The following UBE3B variants were observed in gnomAD, a reference collection of about 807,000 sequenced individuals.
UBE3B encodes the protein ubiquitin protein ligase E3B, also known as ubiquitin-protein ligase E3B.
In UBE3B, 80 loss-of-function variants were observed where a neutral mutation model predicts 132.3. The observed-to-expected ratio is 0.60, with a 90% CI of 0.50 to 0.73. The LOEUF (loss-of-function observed/expected upper bound fraction) is 0.73, where lower values mean the gene tolerates loss of function less well. Ranked by LOEUF, UBE3B falls within the 30% of genes least tolerant of loss-of-function variation. The pLI is 0.00. For synonymous variants in UBE3B, 487 were observed against 520.4 expected, an observed-to-expected ratio of 0.94 and a Z score of 0.87; for missense variants, 1,196 against 1,362.5, an observed-to-expected ratio of 0.88 and a Z score of 1.92.
In UBE3B at chr12:109,510,386, A is replaced by G; in HGVS notation, c.1784A>G (p.His595Arg). Residue 595 changes from histidine to arginine, a missense_variant, in exon 17 of 28, where the codon CAC (histidine) becomes CGC (arginine). His to Arg is a conservative substitution (Grantham distance 29). Coordinates refer to ENST00000342494, the MANE Select transcript of UBE3B (RefSeq NM_130466.4). Reference protein sequence around the residue: ...GETLELFQSVHGWLMVLYERD... With the variant: ...GETLELFQSVRGWLMVLYERD... ...ACCTTGGAGCTGTTCCAGTCTGTCC[A>G]CGGGTGGCTTATGGTGCTGTACGAG... is the stretch of plus-strand genomic sequence containing the variant. 6.2e-7 allele frequency: 1 copy of G among 1,612,662 alleles called. No individual in the cohort carries two copies. The highest frequency in any genetic ancestry group is 1.3e-5 in the African/African-American group (1 of 74,976).
intron 14 of UBE3B, among the ~76,000 whole-genome samples, chr12:109,507,166 C>A (rs958083525): frequency 6.6e-6 from 1 of 152,208 alleles, no homozygotes; most frequent in African/African-American, 2.4e-5. Context: ...AATTGCTGAT[C>A]CCTGATTTAA....
chr12:109,490,864 C>T, intron 8 of UBE3B, 181 bp from the exon 9 acceptor site: 1 of 1,114,196 alleles, frequency 9.0e-7, no homozygotes, highest in Non-Finnish European at 1.2e-6. Flanking sequence ...GTCACCCAGG[C>T]TGGCCTCAAG....
chr12:109,509,392 A>G lies in UBE3B; in HGVS notation c.1623-204A>G, dbSNP rs775389125. ...CTAGGTTTTAAGCTCTACATGCATT[A>G]GGTATTTGTCCTAAGGCTCTCCCTC... is the stretch of plus-strand genomic sequence containing the variant. On this transcript the variant is annotated intron_variant, in intron 15 of 27. Coordinates refer to ENST00000342494, the MANE Select transcript of UBE3B (RefSeq NM_130466.4). 3.1e-4 allele frequency: 131 copies of G among 418,588 alleles called. 1 individual carries two copies. Among genetic ancestry groups the G allele is most frequent in the Non-Finnish European group, 3.4e-4 (79 of 234,814 alleles). 25.9% of individuals were successfully genotyped at this position (418,588 alleles called of 1,614,324 possible).
At chr12:109,498,437 T>G in intron 11 of UBE3B, 84 bp downstream of exon 11, 1 of 1,506,438 alleles carries the variant, frequency 6.6e-7, no homozygotes, top group Middle Eastern at 1.8e-4. Context: ...TCTAGAGATT[T>G]GGTTGTTTTC....
chr12:109,532,828 T>C (rs572774756), intron 26 of UBE3B, among the ~76,000 whole-genome samples: 1 of 152,206 alleles, frequency 6.6e-6, no homozygotes, highest in Admixed American at 6.5e-5. Flanking sequence ...TTTGTCAGTG[T>C]GCTGAGAGGT....
chr12:109,502,951 T>C, intron 13 of UBE3B, 72 bp from the exon 14 acceptor site: 1 of 1,589,302 alleles, frequency 6.3e-7, no homozygotes, highest in Non-Finnish European at 8.6e-7. Context: ...ACTGAAATGC[T>C]CTTCCTTTTC....
intron 16 of UBE3B, 152 bp downstream of exon 16, chr12:109,509,866 C>G (rs576958566): frequency 3.5e-6 from 2 of 572,322 alleles, no homozygotes; most frequent in East Asian, 5.7e-5. Context: ...TCTTTCTTCA[C>G]TCTCTGTGAC....
chr12:109,537,150 A>G (rs933533219), downstream of UBE3B, among the ~76,000 whole-genome samples: 2 of 152,208 alleles, frequency 1.3e-5, no homozygotes, highest in African/African-American at 4.8e-5. Flanking sequence ...ATGCCCAGCC[A>G]GTAGTAACTT....
At chr12:109,493,153 A>G (rs1440691682) in intron 9 of UBE3B, among the ~76,000 whole-genome samples, 1 of 152,236 alleles carries the variant, frequency 6.6e-6, no homozygotes, top group Non-Finnish European at 1.5e-5. Context: ...ATGAGCCCTA[A>G]TGTCTAGGTA....
downstream of UBE3B, among the ~76,000 whole-genome samples, chr12:109,538,923 C>T (rs946284840): frequency 8.5e-5 from 13 of 152,172 alleles, no homozygotes; most frequent in Admixed American, 2.0e-4. This position sits in a 1 kb window ranked among gnomAD's most constrained non-coding sequence, Gnocchi z 4.1. Flanking sequence ...CACATACAAT[C>T]GCTTGGACTG....
intron 27 of UBE3B, chr12:109,533,948 G>T: frequency 7.6e-7 from 1 of 1,311,202 alleles, no homozygotes; most frequent in Non-Finnish European, 1.0e-6. Flanking sequence ...ACCCCAGCAG[G>T]CTGTGCACGT....
chr12:109,518,418 A>G (rs1179734660), intron 19 of UBE3B, among the ~76,000 whole-genome samples: 2 of 152,250 alleles, frequency 1.3e-5, no homozygotes, highest in African/African-American at 2.4e-5. Context: ...TAAAGTGCCT[A>G]GAAAGTCAGA....
rs780883789 is a variant in UBE3B, at chr12:109,507,597, T to C, written c.1484T>C (p.Leu495Pro). The C allele has an allele frequency of 6.2e-7, 1 of 1,614,088 alleles. No individual in the cohort carries two copies. The highest frequency in any genetic ancestry group is 1.1e-5 in the South Asian group (1 of 91,062). The change falls in exon 15 of 28, where the codon CTG (leucine) becomes CCG (proline). Residue 495 changes from leucine to proline, a missense_variant. Physicochemically the swap from Leu to Pro is moderately conservative, Grantham distance 98 (BLOSUM62 -3). Coordinates refer to ENST00000342494, the MANE Select transcript of UBE3B (RefSeq NM_130466.4). ...TACCTTGATGACCTGCTTCCCAAAC[T>C]GTGGGCATTTATCTGTGAGCTCGGG... ...LTYLDDLLPKLWAFICELGPH... is the reference protein window; with the variant it reads ...LTYLDDLLPKPWAFICELGPH...
At chr12:109,525,472 T>G (rs1882237226) in intron 23 of UBE3B, among the ~76,000 whole-genome samples, 1 of 152,148 alleles carries the variant, frequency 6.6e-6, no homozygotes, top group South Asian at 2.1e-4. Context: ...CTTTCAGCTT[T>G]AAAACCCACT....
Position 109,491,091 on chromosome 12 carries a change from A to G in UBE3B, c.677A>G (p.Lys226Arg). The G allele has an allele frequency of 6.2e-7, 1 of 1,614,106 alleles. No homozygotes were observed. Among genetic ancestry groups the G allele is most frequent in the South Asian group, 1.1e-5 (1 of 91,070 alleles). The change falls in exon 9 of 28, where the codon AAA (lysine) becomes AGA (arginine). Residue 226 changes from lysine to arginine, a missense_variant. Transcript: ENST00000342494. ...GCAAGACCCCGTCCTTGTCTATCCA[A>G]AGGCACTTTAACAGCAGCTTTTTCT... is the stretch of plus-strand genomic sequence containing the variant. ...GLARPRPCLS[K>R]GTLTAAFSLA...
At position 109,529,603 on chromosome 12, in the gene UBE3B, T is replaced by C. The variant is rs552549233; in HGVS notation, c.2628-287T>C. ...TTACGTGGGGAATGTCTCCTTGTGA[T>C]TCCCGACATAGTGGGGGCTTACCCC... On this transcript the variant is annotated intron_variant, in intron 24 of 27. Transcript: ENST00000342494. 1.8e-3 allele frequency among the ~76,000 whole-genome samples: 271 copies of C among 152,334 alleles called. 5 individuals carry two copies. Among genetic ancestry groups the C allele is most frequent in the African/African-American group, 6.2e-3 (258 of 41,580 alleles).
At chr12:109,530,685 A>G in intron 26 of UBE3B, 27 bp downstream of exon 26, 1 of 1,597,544 alleles carries the variant, frequency 6.3e-7, no homozygotes, top group Admixed American at 1.7e-5. Context: ...CTATGCATGC[A>G]TGCATGTATT....
Position 109,534,432 on chromosome 12 carries a change from G to A in UBE3B, c.3016-159G>A. ...TCTGGAAGCCAGTCGTCTTGTGTCT[G>A]GGGCTTGACCTCGGGTAGTGGTGCC... On this transcript the variant is annotated intron_variant, in intron 27 of 27. Coordinates refer to ENST00000342494, the MANE Select transcript of UBE3B (RefSeq NM_130466.4). The surrounding 1 kb of genome is among the most constrained non-coding windows in gnomAD (Gnocchi z 5.2). 1 of 1,424,114 alleles carries A rather than the reference G, an allele frequency of 7.0e-7. No homozygotes were observed. The highest frequency in any genetic ancestry group is 9.2e-7 in the Non-Finnish European group (1 of 1,092,202). The allele number at this position is 1,424,114 out of a possible 1,614,324, so 88.2% of individuals were successfully genotyped here.
At chr12:109,518,887 T>C (rs1457781352) in intron 19 of UBE3B, among the ~76,000 whole-genome samples, 2 of 152,136 alleles carry the variant, frequency 1.3e-5, no homozygotes, top group Non-Finnish European at 2.9e-5. Flanking sequence ...CGTAATCTGG[T>C]GGCTTGGTTA....
Sources: allele counts gnomAD v4.1 joint callset (sites outside exome capture counted in the v4.1 genomes callset), GRCh38; gene constraint gnomAD v4.1.1; non-coding constraint Gnocchi (gnomAD v3.1); transcripts MANE v1.5; gene names NCBI Gene and HGNC (gene_info 2026-07-23, HGNC 2026-07-21).